DNAJC6: variants seen among roughly 807,000 people sequenced by gnomAD.
DNAJC6 encodes DnaJ heat shock protein family (Hsp40) member C6.
A neutral mutation model predicts 110.0 loss-of-function variants in DNAJC6; 34 were observed. That is an observed-to-expected ratio of 0.31 (90% confidence interval 0.24 to 0.41). The LOEUF (loss-of-function observed/expected upper bound fraction) is 0.41, where lower values mean the gene tolerates loss of function less well. Among genes scored for constraint, DNAJC6 ranks in the 10% least tolerant of loss-of-function variants. DNAJC6 has a pLI of 1.00. For synonymous variants in DNAJC6, 406 were observed against 437.2 expected (o/e 0.93, Z 0.89); for missense variants, 1,031 against 1,207.8 (o/e 0.85, Z 2.17).
upstream of DNAJC6, among the ~76,000 whole-genome samples, chr1:65,306,821 A>T (rs1370686729): frequency 6.6e-6 from 1 of 152,118 alleles, no homozygotes; most frequent in Admixed American, 6.6e-5. Flanking sequence ...CCATTAGGAT[A>T]TCCCTGGAAA....
chr1:65,343,620 A>G (rs565304116), intron 1 of DNAJC6, among the ~76,000 whole-genome samples: 58 of 152,082 alleles, frequency 3.8e-4, no homozygotes, highest in Non-Finnish European at 6.6e-4. Flanking sequence ...TGTTCAAGTG[A>G]CCCTTATTTT....
chr1:65,372,149 GTGT>G lies in DNAJC6; in HGVS notation c.543+5954_543+5956del, dbSNP rs1645713259. ...CATTACAGATATTGACATTTGGGGT[GTGT>G]GTGTGTGTGTGTGTGTGTGTGTGTG... On this transcript the variant is annotated intron_variant, in intron 4 of 18. Transcript: ENST00000371069. 6.6e-3 allele frequency among the ~76,000 whole-genome samples: 250 copies of G among 38,028 alleles called. 1 individual carries two copies. The African/African-American group carries it at 0.089, about 13-fold the overall frequency. The allele number at this position is 38,028 out of a possible 152,430, so 24.9% of individuals were successfully genotyped here. A position where few individuals can be genotyped will look rare whatever the true frequency, so the allele number is the denominator to read the frequency against.
At chr1:65,390,594 G>T (rs1645917073) in intron 11 of DNAJC6, among the ~76,000 whole-genome samples, 1 of 152,218 alleles carries the variant, frequency 6.6e-6, no homozygotes, top group Non-Finnish European at 1.5e-5. Context: ...GAGATTCAGT[G>T]TAGACGTGGG....
chr1:65,381,274 G>A (rs998667712), intron 5 of DNAJC6, among the ~76,000 whole-genome samples: 11 of 151,956 alleles, frequency 7.2e-5, no homozygotes, highest in South Asian at 2.1e-4. Context: ...ATAGTGGGGC[G>A]TGGTGGCTCA....
intron 1 of DNAJC6, among the ~76,000 whole-genome samples, chr1:65,320,893 C>T (rs747629449): frequency 9.2e-5 from 14 of 152,118 alleles, no homozygotes; most frequent in Non-Finnish European, 1.8e-4. Context: ...GAAACAGAAA[C>T]AAGCAGGAAA....
chr1:65,291,975 T>C (rs1039401973), intron 1 of DNAJC6, among the ~76,000 whole-genome samples: 3 of 152,144 alleles, frequency 2.0e-5, no homozygotes, highest in African/African-American at 7.2e-5. Context: ...TCCTTCGTTC[T>C]TCCTTTCTTT....
chr1:65,408,505 C>T, intron 16 of DNAJC6, 136 bp from the exon 17 acceptor site: 1 of 933,122 alleles, frequency 1.1e-6, no homozygotes, highest in South Asian at 1.7e-5. Flanking sequence ...ACCCTACTCA[C>T]AGGGTAAGCA....
chr1:65,326,233 CTT>C (rs1189521349), intron 1 of DNAJC6, among the ~76,000 whole-genome samples: 2 of 152,158 alleles, frequency 1.3e-5, no homozygotes, highest in African/African-American at 4.8e-5. Flanking sequence ...AGTCCACTCA[CTT>C]TGAGTGAGGA....
intron 1 of DNAJC6, among the ~76,000 whole-genome samples, chr1:65,348,216 A>G (rs781739565): frequency 6.6e-6 from 1 of 152,226 alleles, no homozygotes; most frequent in Non-Finnish European, 1.5e-5. Context: ...CGCATTTTTT[A>G]ACCTTTTGAA....
intron 1 of DNAJC6, among the ~76,000 whole-genome samples, chr1:65,284,609 C>T (rs1296670832): frequency 6.6e-6 from 1 of 152,116 alleles, no homozygotes; most frequent in Non-Finnish European, 1.5e-5. Context: ...ACCCTCTGGG[C>T]CCCTCTTCTT....
intron 1 of DNAJC6, among the ~76,000 whole-genome samples, chr1:65,281,311 T>G (rs2101187539): frequency 6.6e-6 from 1 of 152,302 alleles, no homozygotes; most frequent in Admixed American, 6.5e-5. Flanking sequence ...AAAATTCACC[T>G]TTTCAAAGTG....
intron 1 of DNAJC6, among the ~76,000 whole-genome samples, chr1:65,284,150 C>T (rs747366131): frequency 1.3e-5 from 2 of 152,182 alleles, no homozygotes; most frequent in South Asian, 4.1e-4. Flanking sequence ...GATGTTACAG[C>T]TCCTGGGCAG....
At chr1:65,279,050 G>A (rs1252212988) in intron 1 of DNAJC6, 2 of 985,262 alleles carry the variant, frequency 2.0e-6, no homozygotes. Context: ...CATCACCTAA[G>A]AATCATTTGA....
Position 65,392,685 on chromosome 1 carries a change from C to G in DNAJC6, c.1723C>G (p.Pro575Ala), listed in dbSNP as rs201900120. Residue 575 changes from proline to alanine, a missense_variant, in exon 12 of 19, where the codon CCC (proline) becomes GCC (alanine). By Grantham distance (27) the Pro-to-Ala change is conservative. Coordinates refer to ENST00000371069, the MANE Select transcript of DNAJC6 (RefSeq NM_001256864.2). ...SNSFSPPAAP[P>A]TNSELLSDLF... The stretch of plus-strand genomic sequence containing the variant: ...CAGCTTCTCTCCGCCAGCGGCTCCT[C>G]CCACCAATTCTGAACTACTGAGTGA... The G allele has an allele frequency of 4.2e-5, 68 of 1,612,654 alleles. 3 individuals carry two copies. The Middle Eastern group carries it at 9.4e-3, about 223-fold the overall frequency.
At chr1:65,286,333 A>G (rs1451442526) in intron 1 of DNAJC6, among the ~76,000 whole-genome samples, 2 of 151,842 alleles carry the variant, frequency 1.3e-5, no homozygotes, top group Admixed American at 6.6e-5. Flanking sequence ...TGCGACCTCA[A>G]CCACTGTGGC....
intron 7 of DNAJC6, among the ~76,000 whole-genome samples, chr1:65,386,575 A>G (rs1645874781): frequency 6.6e-6 from 1 of 152,210 alleles, no homozygotes; most frequent in Non-Finnish European, 1.5e-5. Context: ...AGGCATGGGC[A>G]ATTGCAGTCC....
chr1:65,294,130 A>C (rs1644906120), intron 1 of DNAJC6, among the ~76,000 whole-genome samples: 1 of 152,240 alleles, frequency 6.6e-6, no homozygotes, highest in Admixed American at 6.5e-5. Flanking sequence ...TGGTTAAGAC[A>C]TATCAGCAAT....
intron 5 of DNAJC6, among the ~76,000 whole-genome samples, chr1:65,383,484 T>C (rs369480258): frequency 1.3e-5 from 2 of 152,180 alleles, no homozygotes; most frequent in Admixed American, 6.6e-5. Flanking sequence ...TAATGTCTGG[T>C]GAGGGCCTGC....
At chr1:65,359,466 G>T (rs1181491649) in intron 1 of DNAJC6, among the ~76,000 whole-genome samples, 1 of 152,150 alleles carries the variant, frequency 6.6e-6, no homozygotes, top group Admixed American at 6.5e-5. Flanking sequence ...AGACATCATT[G>T]AAACAAGAAT....
Sources: allele counts gnomAD v4.1 joint callset (sites outside exome capture counted in the v4.1 genomes callset), GRCh38; gene constraint gnomAD v4.1.1; transcripts MANE v1.5; gene names NCBI Gene and HGNC (gene_info 2026-07-23, HGNC 2026-07-21).